Variants in DNAI7 observed in about 807,000 individuals in gnomAD.
DNAI7 encodes cancer susceptibility 1.
Under a neutral mutation model 86.6 loss-of-function variants are expected in DNAI7, and 78 were observed. The observed-to-expected ratio is 0.90, with a 90% CI of 0.75 to 1.09. The LOEUF (loss-of-function observed/expected upper bound fraction) is 1.09, where lower values mean the gene tolerates loss of function less well. Among genes scored for constraint, DNAI7 ranks in the 50% least tolerant of loss-of-function variants. The probability of loss-of-function intolerance (pLI) is 0.00; values close to 1 mark genes in which losing one functional copy is unlikely to be tolerated. For missense variants in DNAI7, 753 were observed against 810.2 expected (o/e 0.93, Z 0.86); for synonymous variants, 274 against 273.0 (o/e 1.00, Z -0.04).
At chr12:25,172,019 G>A (rs1310887215) in intron 2 of DNAI7, among the ~76,000 whole-genome samples, 1 of 152,052 alleles carries the variant, frequency 6.6e-6, no homozygotes, top group African/African-American at 2.4e-5. Flanking sequence ...ACTGAATAAA[G>A]AAACGTTGAA....
chr12:25,180,238 G>A (rs1045037427), intron 2 of DNAI7, among the ~76,000 whole-genome samples: 1 of 152,150 alleles, frequency 6.6e-6, no homozygotes, highest in South Asian at 2.1e-4. Context: ...CCAAGGAGGT[G>A]AAATATCTCT....
intron 12 of DNAI7, among the ~76,000 whole-genome samples, chr12:25,116,546 C>T (rs917685284): frequency 6.6e-6 from 1 of 152,124 alleles, no homozygotes; most frequent in Non-Finnish European, 1.5e-5. Context: ...GTCACCCAGG[C>T]TGGAGTAAAA....
At chr12:25,179,012 A>G (rs1039508794) in intron 2 of DNAI7, among the ~76,000 whole-genome samples, 3 of 151,970 alleles carry the variant, frequency 2.0e-5, no homozygotes, top group African/African-American at 7.2e-5. Context: ...TTCTTCTTCT[A>G]ATATAAATAT....
At chr12:25,123,345 G>T in intron 9 of DNAI7, 59 bp from the exon 10 acceptor site, 1 of 1,163,350 alleles carries the variant, frequency 8.6e-7, no homozygotes, top group Non-Finnish European at 1.2e-6. Context: ...TACAGTCATT[G>T]TCTTTGTGTT....
At chr12:25,119,894 G>A (rs1371251187) in intron 11 of DNAI7, among the ~76,000 whole-genome samples, 1 of 152,034 alleles carries the variant, frequency 6.6e-6, no homozygotes, top group Non-Finnish European at 1.5e-5. Context: ...AGAAAATAGA[G>A]GAAAAATTAG....
chr12:25,157,785 T>C (rs1946360276), intron 4 of DNAI7, among the ~76,000 whole-genome samples: 2 of 152,116 alleles, frequency 1.3e-5, no homozygotes, highest in Non-Finnish European at 2.9e-5. Flanking sequence ...AAGATTCTAG[T>C]GAAACAGAGA....
chr12:25,180,847 G>C (rs577920545), intron 2 of DNAI7, among the ~76,000 whole-genome samples: 1 of 151,742 alleles, frequency 6.6e-6, no homozygotes, highest in South Asian at 2.1e-4. Context: ...CACTCTTGTC[G>C]CCCAGGCTGG....
intron 9 of DNAI7, among the ~76,000 whole-genome samples, chr12:25,137,566 T>C (rs1280394282): frequency 6.6e-6 from 1 of 152,140 alleles, no homozygotes; most frequent in African/African-American, 2.4e-5. Context: ...TGGATGTAAA[T>C]GGCCTAAATG....
chr12:25,163,536 G>C (rs1341733036), intron 2 of DNAI7, among the ~76,000 whole-genome samples: 1 of 151,968 alleles, frequency 6.6e-6, no homozygotes, highest in Non-Finnish European at 1.5e-5. Flanking sequence ...CTCTCTTTTC[G>C]GACTCAGCCC....
chr12:25,114,746 C>G lies in DNAI7; in HGVS notation c.1521G>C (p.Pro507=), dbSNP rs754676086. The G allele has an allele frequency of 1.2e-6, 2 of 1,613,414 alleles. No homozygotes were observed. The highest frequency in any genetic ancestry group is 1.1e-5 in the South Asian group (1 of 91,070). Residue 507 remains proline, a synonymous_variant, in exon 13 of 16, where the codon CCG becomes CCC. Coordinates refer to ENST00000395987, the MANE Select transcript of DNAI7 (RefSeq NM_018272.5). ...TLIQDAHINM[P]YQSWELRPLD... ...GTGGTCTTAGTTCCCATGACTGGTA[C>G]GGCATGTTAATATGAGCATCTTGAA...
chr12:25,174,766 G>A (rs1948773446), intron 2 of DNAI7, among the ~76,000 whole-genome samples: 1 of 128,534 alleles, frequency 7.8e-6, no homozygotes, highest in African/African-American at 2.9e-5. Context: ...ATATATGATG[G>A]AATACTACAC....
At chr12:25,180,827 T>C (rs1453564615) in intron 2 of DNAI7, among the ~76,000 whole-genome samples, 1 of 150,506 alleles carries the variant, frequency 6.6e-6, no homozygotes, top group African/African-American at 2.4e-5. Context: ...CAAACTATAA[T>C]TTTTTTTTTC....
chr12:25,108,575 G>T lies in DNAI7; in HGVS notation c.2142C>A (p.Leu714=). Residue 714 remains leucine (L), a synonymous_variant, in exon 16 of 16, where the codon CTC becomes CTA. Transcript: ENST00000395987. ...AGGAGTAGCTGAGCAATCTGGTAGA[G>T]AGCAGCATGTGGCACACAGAGTTGA... The part of the protein sequence containing the change: ...QFVNSVCHML[L]STRLLSYS The T allele has an allele frequency of 1.9e-6, 3 of 1,613,638 alleles. No individual in the cohort carries two copies. Among genetic ancestry groups the T allele is most frequent in the Non-Finnish European group, 8.5e-7 (1 of 1,179,784 alleles).
intron 2 of DNAI7, among the ~76,000 whole-genome samples, chr12:25,180,639 C>A (rs1486986967): frequency 2.6e-5 from 4 of 152,092 alleles, no homozygotes; most frequent in African/African-American, 9.7e-5. Context: ...CACCTACAAC[C>A]AACTGATCTT....
chr12:25,174,400 T>TG (rs1948574431), intron 2 of DNAI7, among the ~76,000 whole-genome samples: 3 of 122 alleles, frequency 0.025, 1 homozygote, highest in Non-Finnish European at 0.088. Flanking sequence ...ATATATCATA[T>TG]ATATGGGATA....
chr12:25,155,312 T>C lies in DNAI7; in HGVS notation c.299A>G (p.Gln100Arg). The change falls in exon 5 of 16, where the codon CAG becomes CGG. Residue 100 changes from glutamine (Q) to arginine (R), a missense_variant and splice_region_variant. Coordinates refer to ENST00000395987, the MANE Select transcript of DNAI7 (RefSeq NM_018272.5). Reference protein sequence around the residue: ...KLKQETKLLSQWKHYIQCDGS... With the variant: ...KLKQETKLLSRWKHYIQCDGS... ...CTAAAAAAGAGAAATCAGTCCTACC[T>C]GAGAAAGCAATTTAGTTTCCTGTTT... is the stretch of plus-strand genomic sequence containing the variant. 2 of 1,564,752 alleles carry C rather than the reference T, an allele frequency of 1.3e-6. No homozygotes were observed. Among genetic ancestry groups the C allele is most frequent in the Non-Finnish European group, 1.8e-6 (2 of 1,138,328 alleles).
chr12:25,189,155 T>C (rs1378196804), intron 2 of DNAI7, among the ~76,000 whole-genome samples: 1 of 152,312 alleles, frequency 6.6e-6, no homozygotes, highest in East Asian at 1.9e-4. Context: ...GGGTGGTAGA[T>C]TAAATGGGGT....
chr12:25,123,560 T>C (rs1467437343), intron 9 of DNAI7, among the ~76,000 whole-genome samples: 1 of 152,212 alleles, frequency 6.6e-6, no homozygotes, highest in Non-Finnish European at 1.5e-5. Flanking sequence ...TAGGAAGCAA[T>C]GCAAGCTATA....
intron 9 of DNAI7, among the ~76,000 whole-genome samples, chr12:25,125,011 A>G (rs1459892454): frequency 2.6e-5 from 4 of 152,078 alleles, no homozygotes; most frequent in Admixed American, 2.6e-4. Context: ...TCTTTATCCA[A>G]TCTGTCACTG....
Sources: allele counts gnomAD v4.1 joint callset (sites outside exome capture counted in the v4.1 genomes callset), GRCh38; gene constraint gnomAD v4.1.1; transcripts MANE v1.5; gene names NCBI Gene and HGNC (gene_info 2026-07-23, HGNC 2026-07-21).